MIPOL1: variants seen among roughly 807,000 people sequenced by gnomAD.
MIPOL1 encodes the protein mirror-image polydactyly gene 1 protein.
Under a neutral mutation model 60.9 loss-of-function variants are expected in MIPOL1, and 57 were observed. The ratio of observed to expected loss-of-function variants is 0.94; its 90% confidence interval spans 0.76 to 1.17. The LOEUF (loss-of-function observed/expected upper bound fraction) is 1.17. Ranked by LOEUF, MIPOL1 falls within the 50% of genes most tolerant of loss-of-function variation. The pLI is 0.00. For synonymous variants in MIPOL1, 179 were observed against 168.8 expected (o/e 1.06, Z -0.47); for missense variants, 551 against 511.6 (o/e 1.08, Z -0.74).
intron 3 of MIPOL1, among the ~76,000 whole-genome samples, chr14:37,265,603 G>A (rs995790974): frequency 5.9e-5 from 9 of 152,076 alleles, no homozygotes; most frequent in Non-Finnish European, 7.4e-5. Flanking sequence ...AGCCTTCAGA[G>A]GATTTAACAT....
At chr14:37,330,834 T>A (rs1471611461) in intron 9 of MIPOL1, among the ~76,000 whole-genome samples, 1 of 151,816 alleles carries the variant, frequency 6.6e-6, no homozygotes, top group African/African-American at 2.4e-5. Flanking sequence ...GGAGGAGAGA[T>A]CAGAGAGGGA....
chr14:37,327,435 A>G lies in MIPOL1; in HGVS notation c.828+18916A>G, dbSNP rs550713215. ...CCCAAGTAGCTAGGACTACAGGTGCATGCCACCACACCCGGCTACTTTTTG... is the reference window on the plus strand; with the variant it reads ...CCCAAGTAGCTAGGACTACAGGTGCGTGCCACCACACCCGGCTACTTTTTG... On this transcript the variant is annotated intron_variant, in intron 9 of 12. Coordinates refer to ENST00000684589, the MANE Select transcript of MIPOL1 (RefSeq NM_001388067.1). 4.6e-5 allele frequency among the ~76,000 whole-genome samples: 7 copies of G among 152,188 alleles called. No homozygotes were observed. In the East Asian group the frequency reaches 1.4e-3, roughly 30 times the overall value.
chr14:37,344,682 C>G (rs754738570), intron 9 of MIPOL1, among the ~76,000 whole-genome samples: 3 of 152,006 alleles, frequency 2.0e-5, no homozygotes, highest in Non-Finnish European at 2.9e-5. Flanking sequence ...GAATATTTCT[C>G]TAAAGAGAGC....
intron 6 of MIPOL1, chr14:37,277,510 T>A (rs2083763427): frequency 6.6e-6 from 1 of 151,324 alleles, no homozygotes; most frequent in African/African-American, 2.4e-5. Flanking sequence ...TTCAGAAAAC[T>A]TTTTTAATAT....
intron 10 of MIPOL1, among the ~76,000 whole-genome samples, chr14:37,388,423 C>A (rs973368784): frequency 1.3e-5 from 2 of 151,156 alleles, no homozygotes; most frequent in African/African-American, 4.9e-5. Flanking sequence ...ACTTATCGTT[C>A]ACATAGTTGA....
At chr14:37,231,875 T>C (rs1238270196) in intron 1 of MIPOL1, among the ~76,000 whole-genome samples, 1 of 151,572 alleles carries the variant, frequency 6.6e-6, no homozygotes, top group Non-Finnish European at 1.5e-5. Context: ...AGGCCAGGAG[T>C]TAAAGAACAG....
At chr14:37,369,141 TGTA>T (rs1425587741) in intron 9 of MIPOL1, among the ~76,000 whole-genome samples, 4 of 152,034 alleles carry the variant, frequency 2.6e-5, no homozygotes, top group Non-Finnish European at 5.9e-5. Context: ...AATATCATAT[TGTA>T]GTTTGTTTAG....
chr14:37,232,621 T>C (rs557629260), intron 1 of MIPOL1, among the ~76,000 whole-genome samples: 1 of 152,224 alleles, frequency 6.6e-6, no homozygotes, highest in South Asian at 2.1e-4. Flanking sequence ...CCATTTTGAC[T>C]ATTATTTGTT....
chr14:37,351,374 T>A (rs1029569526), intron 9 of MIPOL1, among the ~76,000 whole-genome samples: 3 of 146,784 alleles, frequency 2.0e-5, no homozygotes, highest in African/African-American at 7.5e-5. Context: ...AACATACGTG[T>A]GCATGTGTCT....
chr14:37,536,132 G>T (rs1160151129), intron 12 of MIPOL1, among the ~76,000 whole-genome samples: 1 of 152,168 alleles, frequency 6.6e-6, no homozygotes, highest in Non-Finnish European at 1.5e-5. Flanking sequence ...GATTAATTTT[G>T]AAGTTATAGG....
At chr14:37,462,642 G>C (rs2094553088) in intron 11 of MIPOL1, among the ~76,000 whole-genome samples, 1 of 152,128 alleles carries the variant, frequency 6.6e-6, no homozygotes, top group Non-Finnish European at 1.5e-5. Context: ...ATGCTTTGCT[G>C]CTTAGAAATT....
chr14:37,292,093 T>C (rs2085123251), intron 7 of MIPOL1, among the ~76,000 whole-genome samples: 1 of 151,566 alleles, frequency 6.6e-6, no homozygotes, highest in South Asian at 2.1e-4. Flanking sequence ...GCCCGGCTTA[T>C]TTTTTGTATT....
At chr14:37,231,129 G>A (rs970638690) in intron 1 of MIPOL1, among the ~76,000 whole-genome samples, 2 of 151,992 alleles carry the variant, frequency 1.3e-5, no homozygotes, top group Admixed American at 6.6e-5. Context: ...AGGTCTTGCT[G>A]TATCGCCCAG....
chr14:37,411,945 A>G (rs2093687586), intron 10 of MIPOL1, among the ~76,000 whole-genome samples: 1 of 152,144 alleles, frequency 6.6e-6, no homozygotes, highest in African/African-American at 2.4e-5. Context: ...TGATATGGCT[A>G]TATGAGATAG....
intron 1 of MIPOL1, among the ~76,000 whole-genome samples, chr14:37,202,419 A>G (rs575905353): frequency 5.9e-5 from 9 of 152,170 alleles, no homozygotes; most frequent in South Asian, 2.1e-4. Flanking sequence ...ACACACACAC[A>G]ATGACTAATG....
intron 11 of MIPOL1, among the ~76,000 whole-genome samples, chr14:37,454,803 C>T (rs2094459060): frequency 6.6e-6 from 1 of 152,170 alleles, no homozygotes. Context: ...TCTCGTTTTT[C>T]TCTCAGTACT....
At chr14:37,281,822 A>G (rs898955683) in intron 6 of MIPOL1, among the ~76,000 whole-genome samples, 4 of 152,072 alleles carry the variant, frequency 2.6e-5, no homozygotes, top group Admixed American at 1.3e-4. Flanking sequence ...TGTTTTTTCT[A>G]TTTCTATTTC....
intron 11 of MIPOL1, among the ~76,000 whole-genome samples, chr14:37,459,661 C>A (rs558816549): frequency 2.6e-5 from 4 of 152,262 alleles, no homozygotes; most frequent in African/African-American, 7.2e-5. Context: ...TCTCCCTAAC[C>A]CGTTCTATGA....
At chr14:37,214,897 G>T (rs1042123292) in intron 1 of MIPOL1, among the ~76,000 whole-genome samples, 1 of 151,900 alleles carries the variant, frequency 6.6e-6, no homozygotes, top group African/African-American at 2.4e-5. Flanking sequence ...TTCCCTCGGG[G>T]AGTTTAGAGA....
Sources: allele counts gnomAD v4.1 joint callset (sites outside exome capture counted in the v4.1 genomes callset), GRCh38; gene constraint gnomAD v4.1.1; transcripts MANE v1.5; gene names NCBI Gene and HGNC (gene_info 2026-07-23, HGNC 2026-07-21).